UGT1A3: variants seen among roughly 807,000 people sequenced by gnomAD.
UGT1A3 encodes the protein UDP glucuronosyltransferase family 1 member A3.
In UGT1A3, 31 loss-of-function variants were observed where a neutral mutation model predicts 41.0. The observed-to-expected ratio is 0.76, with a 90% CI of 0.57 to 1.02. The LOEUF (loss-of-function observed/expected upper bound fraction) is 1.02. UGT1A3 is among the 50% of genes least tolerant of loss of function. The pLI is 0.00. For synonymous variants in UGT1A3, 262 were observed against 257.6 expected, an observed-to-expected ratio of 1.02 and a Z score of -0.17; for missense variants, 737 against 671.0, an observed-to-expected ratio of 1.10 and a Z score of -1.09.
rs753056825 is a variant in UGT1A3 at position 233,767,178 on chromosome 2, T to C, written c.999+13T>C. 16 of 1,614,056 alleles carry C rather than the reference T, an allele frequency of 9.9e-6. No homozygotes were observed. Among genetic ancestry groups the C allele is most frequent in the Non-Finnish European group, 1.4e-5 (16 of 1,180,000 alleles). On this transcript the variant is annotated intron_variant, in intron 2 of 4. Coordinates refer to ENST00000482026, the MANE Select transcript of UGT1A3 (RefSeq NM_019093.4). ...AATCCCTCAGACAGTAAGAAGATTCTATACCATGGCCTCATATCTATTTTC... is the reference window on the plus strand; with the variant it reads ...AATCCCTCAGACAGTAAGAAGATTCCATACCATGGCCTCATATCTATTTTC...
At chr2:233,740,325 T>C (rs1691364696) in intron 1 of UGT1A3, among the ~76,000 whole-genome samples, 1 of 151,932 alleles carries the variant, frequency 6.6e-6, no homozygotes, top group Non-Finnish European at 1.5e-5. Context: ...AATCTGCATT[T>C]ATTGAGAAAG....
At chr2:233,731,193 A>T (rs750244105) in intron 1 of UGT1A3, among the ~76,000 whole-genome samples, 1 of 152,062 alleles carries the variant, frequency 6.6e-6, no homozygotes, top group Admixed American at 6.6e-5. Context: ...TAATTATTCA[A>T]TTATAAAATA....
rs1694565729 is a variant in UGT1A3, at chr2:233,750,814, C to T, written c.868-16220C>T. 2.0e-5 allele frequency: 3 copies of T among 151,858 alleles called. No individual in the cohort carries two copies. In the South Asian group the frequency reaches 6.2e-4, roughly 31 times the overall value. The allele number at this position is 151,858 out of a possible 1,614,324, so 9.4% of individuals were successfully genotyped here. A position where few individuals can be genotyped will look rare whatever the true frequency, so the allele number is the denominator to read the frequency against. On this transcript the variant is annotated intron_variant, in intron 1 of 4. Coordinates refer to ENST00000482026, the MANE Select transcript of UGT1A3 (RefSeq NM_019093.4). ...ATAAGAATTTAGGTTTGGGAACCTCCACATAAATTTGAGAGGATGTAAGGA... is the reference window on the plus strand; with the variant it reads ...ATAAGAATTTAGGTTTGGGAACCTCTACATAAATTTGAGAGGATGTAAGGA...
chr2:233,760,637 A>G (rs1399740159), intron 1 of UGT1A3: 1 of 1,614,182 alleles, frequency 6.2e-7, no homozygotes, highest in South Asian at 1.1e-5. Context: ...AAGAAAATAA[A>G]AAAGGACTCT....
At chr2:233,743,626 G>A (rs1399385903) in intron 1 of UGT1A3, 6 of 1,367,322 alleles carry the variant, frequency 4.4e-6, no homozygotes, top group Non-Finnish European at 5.9e-6. Flanking sequence ...TGAAGACGTC[G>A]GCTGGGTCGC....
chr2:233,745,864 C>G (rs1478966611), intron 1 of UGT1A3, among the ~76,000 whole-genome samples: 1 of 151,232 alleles, frequency 6.6e-6, no homozygotes, highest in Non-Finnish European at 1.5e-5. Flanking sequence ...AGCTGCTGAC[C>G]AAGGTTCCAG....
chr2:233,729,160 C>G lies in UGT1A3; in HGVS notation c.34C>G (p.Leu12Val). 5 of 1,613,564 alleles carry G rather than the reference C, an allele frequency of 3.1e-6. No individual in the cohort carries two copies. Among genetic ancestry groups the G allele is most frequent in the Non-Finnish European group, 4.2e-6 (5 of 1,179,884 alleles). Reference sequence around the variant, plus strand: ...AGGACTCCAGGTTCCCCTGCCGTGGCTGGCCACAGGACTGCTGCTTCTCCT... The same window carrying G: ...AGGACTCCAGGTTCCCCTGCCGTGGGTGGCCACAGGACTGCTGCTTCTCCT... ...ATGLQVPLPWLATGLLLLLSV... is the reference protein window; with the variant it reads ...ATGLQVPLPWVATGLLLLLSV... Residue 12 changes from leucine (L) to valine (V), a missense_variant, in exon 1 of 5, where the codon CTG (leucine) becomes GTG (valine). Leu to Val is a conservative substitution (Grantham distance 32). Transcript: ENST00000482026.
intron 4 of UGT1A3, among the ~76,000 whole-genome samples, chr2:233,768,799 G>C (rs1295681406): frequency 6.6e-6 from 1 of 151,984 alleles, no homozygotes; most frequent in Admixed American, 6.6e-5. Flanking sequence ...TGTCAGGCTG[G>C]TCTTGAACTC....
At chr2:233,747,164 A>C (rs559745186) in intron 1 of UGT1A3, 19 of 1,590,218 alleles carry the variant, frequency 1.2e-5, no homozygotes, top group Non-Finnish European at 1.6e-5. Context: ...AAACAAATGT[A>C]GGAGGCACAG....
chr2:233,729,585 C>G lies in UGT1A3; in HGVS notation c.459C>G (p.Pro153=), dbSNP rs138617806. The G allele has an allele frequency of 8.1e-6, 13 of 1,613,966 alleles. No individual in the cohort carries two copies. In the African/African-American group the frequency reaches 1.3e-4, roughly 17 times the overall value. ...CCTTTGATGTGGTTTTAACAGACCC[C>G]GTTAACCTCTGCGCGGCAGTGCTGG... The part of the protein sequence containing the change: ...ATSFDVVLTD[P]VNLCAAVLAK... The change falls in exon 1 of 5, where the codon CCC becomes CCG. Residue 153 remains proline (P), a synonymous_variant. Coordinates refer to ENST00000482026, the MANE Select transcript of UGT1A3 (RefSeq NM_019093.4).
intron 1 of UGT1A3, among the ~76,000 whole-genome samples, chr2:233,765,730 T>TAATAATAAA (rs1427774434): frequency 6.7e-6 from 1 of 150,190 alleles, no homozygotes; most frequent in Non-Finnish European, 1.5e-5. Context: ...ATAATAATAA[T>TAATAATAAA]AAATAAACCC....
At chr2:233,733,215 C>T (rs1311837703) in intron 1 of UGT1A3, among the ~76,000 whole-genome samples, 2 of 152,150 alleles carry the variant, frequency 1.3e-5, no homozygotes, top group East Asian at 3.8e-4. Flanking sequence ...TGGGCTGAGA[C>T]AATGGGGTTT....
chr2:233,742,812 T>C (rs992545321), intron 1 of UGT1A3: 2 of 153,630 alleles, frequency 1.3e-5, no homozygotes, highest in African/African-American at 4.9e-5. Context: ...AGTATTGATA[T>C]TATTTGTAGA....
At chr2:233,747,242 T>G in intron 1 of UGT1A3, 1 of 1,603,440 alleles carries the variant, frequency 6.2e-7, no homozygotes. Context: ...GTTCCCCTGC[T>G]GTGGCTGGCC....
chr2:233,735,208 T>C (rs1197807314), intron 1 of UGT1A3, among the ~76,000 whole-genome samples: 1 of 152,228 alleles, frequency 6.6e-6, no homozygotes, highest in Non-Finnish European at 1.5e-5. Flanking sequence ...CTGTATTGGG[T>C]GCATATATAT....
intron 1 of UGT1A3, among the ~76,000 whole-genome samples, chr2:233,737,436 G>T (rs969816672): frequency 6.6e-6 from 1 of 152,186 alleles, no homozygotes; most frequent in African/African-American, 2.4e-5. Flanking sequence ...GGGTGGGAGT[G>T]TCCCGTTTTT....
rs1402527560 is a variant in UGT1A3, at chr2:233,772,791, CAT to C, written c.*233_*234del. On this transcript the variant is annotated 3_prime_UTR_variant, in exon 5 of 5. Transcript: ENST00000482026. Reference sequence around the variant, plus strand: ...CCTCTGGTGTCTTTGATCAGGATGACATGTGCCATTTTTCAGAGGACGTGCAG... The same window carrying C: ...CCTCTGGTGTCTTTGATCAGGATGACGTGCCATTTTTCAGAGGACGTGCAG... The C allele has an allele frequency of 3.3e-6, 4 of 1,224,574 alleles. No homozygotes were observed. The highest frequency in any genetic ancestry group is 1.7e-5 in the South Asian group (1 of 59,936). The allele number at this position is 1,224,574 out of a possible 1,614,324, so 75.9% of individuals were successfully genotyped here. A position where few individuals can be genotyped will look rare whatever the true frequency, so the allele number is the denominator to read the frequency against.
At position 233,772,328 on chromosome 2, in the gene UGT1A3, G is replaced by A. The variant is rs1288878731; in HGVS notation, c.1374G>A (p.Leu458=). 2 of 1,614,180 alleles carry A rather than the reference G, an allele frequency of 1.2e-6. No individual in the cohort carries two copies. The highest frequency in any genetic ancestry group is 1.7e-6 in the Non-Finnish European group (2 of 1,180,040). The change falls in exon 5 of 5, where the codon CTG becomes CTA. Residue 458 remains leucine (L), a synonymous_variant. Coordinates refer to ENST00000482026, the MANE Select transcript of UGT1A3 (RefSeq NM_019093.4). ...HKDRPVEPLD[L]AVFWVEFVMR... is the part of the protein sequence containing the mutation. ...ACCGCCCGGTGGAGCCGCTGGACCT[G>A]GCCGTGTTCTGGGTGGAGTTTGTGA...
chr2:233,734,943 C>G (rs2078589604), intron 1 of UGT1A3, among the ~76,000 whole-genome samples: 1 of 152,150 alleles, frequency 6.6e-6, no homozygotes, highest in Non-Finnish European at 1.5e-5. Flanking sequence ...ATCATATGGT[C>G]AGTTTTAGAA....
Sources: allele counts gnomAD v4.1 joint callset (sites outside exome capture counted in the v4.1 genomes callset), GRCh38; gene constraint gnomAD v4.1.1; transcripts MANE v1.5; gene names NCBI Gene and HGNC (gene_info 2026-07-23, HGNC 2026-07-21).